Variants in SPATA13 observed in about 807,000 individuals in gnomAD.
SPATA13 encodes spermatogenesis associated 13.
Under a neutral mutation model 104.0 loss-of-function variants are expected in SPATA13, and 50 were observed. That is an observed-to-expected ratio of 0.48 (90% CI 0.38 to 0.61). The LOEUF (loss-of-function observed/expected upper bound fraction) is 0.61, where lower values mean the gene tolerates loss of function less well. SPATA13 is among the 20% of genes least tolerant of loss of function. SPATA13 has a pLI of 0.00. For missense variants in SPATA13, 1,524 were observed against 1,690.6 expected (o/e 0.90, Z 1.73); for synonymous variants, 606 against 667.5 (o/e 0.91, Z 1.42).
rs932496987 is a variant in SPATA13 at position 24,088,147 on chromosome 13, C to T, written c.-112+70446C>T. On this transcript the variant is annotated intron_variant, in intron 3 of 14. Transcript: ENST00000424834. The surrounding 1 kb of genome is among the most constrained non-coding windows in gnomAD (Gnocchi z 4.3). ...TCCTCACTCATTAAACGATGGTGGA[C>T]TGTCATATGAAAACTTGGGCTGAGG... Among the ~76,000 whole-genome samples, 1 of 152,182 alleles carries T rather than the reference C, an allele frequency of 6.6e-6. No individual in the cohort carries two copies. The highest frequency in any genetic ancestry group is 2.4e-5 in the African/African-American group (1 of 41,438).
chr13:24,111,774 A>G (rs541892887), intron 3 of SPATA13, among the ~76,000 whole-genome samples: 12 of 152,248 alleles, frequency 7.9e-5, no homozygotes, highest in African/African-American at 2.9e-4. Context: ...CCATCCTTGC[A>G]TTTCCTACTT....
At chr13:24,025,380 T>A (rs1460263712) in intron 3 of SPATA13, among the ~76,000 whole-genome samples, 3 of 152,190 alleles carry the variant, frequency 2.0e-5, no homozygotes, top group Non-Finnish European at 4.4e-5. Flanking sequence ...TACATTCTTC[T>A]ATGGATGGAC....
intron 4 of SPATA13, among the ~76,000 whole-genome samples, chr13:24,274,512 G>A (rs146155353): frequency 1.1e-3 from 160 of 152,316 alleles, no homozygotes; most frequent in African/African-American, 3.6e-3. Context: ...TTTTGACGTT[G>A]TCAGTTCCTG....
intron 2 of SPATA13, among the ~76,000 whole-genome samples, chr13:24,000,322 A>G (rs2137671438): frequency 6.6e-6 from 1 of 152,284 alleles, no homozygotes; most frequent in East Asian, 1.9e-4. Context: ...CAAAGATAGA[A>G]AAGGTTTCAA....
intron 2 of SPATA13, among the ~76,000 whole-genome samples, chr13:24,001,547 C>T (rs183281821): frequency 1.5e-4 from 23 of 151,826 alleles, no homozygotes; most frequent in East Asian, 1.2e-3. Context: ...GGCTGGCTGC[C>T]GTGTCTGTTA....
intron 2 of SPATA13, among the ~76,000 whole-genome samples, chr13:24,236,866 A>G (rs926118156): frequency 1.1e-4 from 16 of 152,172 alleles, no homozygotes; most frequent in African/African-American, 3.9e-4. Context: ...GAATTACTGT[A>G]TGATCCAGCA....
intron 2 of SPATA13, among the ~76,000 whole-genome samples, chr13:24,013,040 T>C (rs1009777818): frequency 2.6e-5 from 4 of 152,150 alleles, no homozygotes; most frequent in Middle Eastern, 6.8e-3. Context: ...CAAGGGCCCA[T>C]TGTCACCCCT....
At chr13:24,204,611 T>G (rs1042814413) in intron 1 of SPATA13, among the ~76,000 whole-genome samples, 2 of 152,096 alleles carry the variant, frequency 1.3e-5, no homozygotes, top group African/African-American at 4.8e-5. Context: ...TTTCTCCTCC[T>G]CCTCCCAGAC....
rs1243049872 is a variant in SPATA13 at position 24,224,247 on chromosome 13, T to C, written c.1318T>C (p.Leu440=). ...GCCAAGCCCGATTGTCCAGGATGTG[T>C]TGAGCAAAGACTCCTGTGACCCAAA... ...SLPSPIVQDV[L]SKDSCDPNAG... is the part of the protein sequence containing the mutation. Residue 440 remains leucine, a synonymous_variant, in exon 2 of 13, where the codon TTG becomes CTG. Coordinates refer to ENST00000382108, the MANE Select transcript of SPATA13 (RefSeq NM_001166271.3). The C allele has an allele frequency of 6.4e-7, 1 of 1,551,710 alleles. No homozygotes were observed.
chr13:24,168,330 T>A (rs1882829357), intron 1 of SPATA13, among the ~76,000 whole-genome samples: 1 of 152,208 alleles, frequency 6.6e-6, no homozygotes, highest in Non-Finnish European at 1.5e-5. Flanking sequence ...ATGACATACA[T>A]GAAAAATATG....
chr13:24,023,280 A>G (rs1877067278), intron 3 of SPATA13, among the ~76,000 whole-genome samples: 1 of 152,208 alleles, frequency 6.6e-6, no homozygotes, highest in African/African-American at 2.4e-5. Flanking sequence ...TTATGGCTGT[A>G]TAGTATTCCA....
At chr13:24,267,190 T>G (rs1457334917) in intron 4 of SPATA13, among the ~76,000 whole-genome samples, 1 of 152,162 alleles carries the variant, frequency 6.6e-6, no homozygotes, top group Admixed American at 6.5e-5. Context: ...ATGGTAGTCC[T>G]TTGCCACAGA....
chr13:24,181,829 T>A (rs1868832771), intron 1 of SPATA13, among the ~76,000 whole-genome samples: 1 of 69,262 alleles, frequency 1.4e-5, no homozygotes, highest in African/African-American at 3.9e-5. Context: ...AAAAGTATAG[T>A]ATAGGCCGGG....
At chr13:24,131,152 T>G (rs1398135550) in intron 3 of SPATA13, among the ~76,000 whole-genome samples, 1 of 152,248 alleles carries the variant, frequency 6.6e-6, no homozygotes, top group Non-Finnish European at 1.5e-5. Flanking sequence ...GTAGCTGTAT[T>G]ATTTAAGTCC....
intron 3 of SPATA13, among the ~76,000 whole-genome samples, chr13:24,097,982 C>A (rs551847504): frequency 9.2e-5 from 14 of 152,274 alleles, no homozygotes; most frequent in African/African-American, 2.6e-4. Flanking sequence ...AGAAGGACCT[C>A]CATGAGGTTC....
At chr13:24,124,483 T>C (rs1456244553) in intron 3 of SPATA13, among the ~76,000 whole-genome samples, 3 of 152,166 alleles carry the variant, frequency 2.0e-5, no homozygotes, top group African/African-American at 7.2e-5. Context: ...CTGCAGAGTA[T>C]CAGACTTTCT....
At chr13:24,106,253 C>G (rs1880448617) in intron 3 of SPATA13, among the ~76,000 whole-genome samples, 1 of 152,168 alleles carries the variant, frequency 6.6e-6, no homozygotes, top group Admixed American at 6.5e-5. Context: ...AGGCTGGCCT[C>G]ATACTCCTGG....
Position 24,302,822 on chromosome 13 carries a change from T to C in SPATA13, c.*49T>C. ...GAGCTGGGTGTCAAGAGAAGAACTGTCTTTGTTTCTTGTGTGCTTCAATCC... is the reference window on the plus strand; with the variant it reads ...GAGCTGGGTGTCAAGAGAAGAACTGCCTTTGTTTCTTGTGTGCTTCAATCC... On this transcript the variant is annotated 3_prime_UTR_variant, in exon 13 of 13. Transcript: ENST00000382108. 6.2e-7 allele frequency: 1 copy of C among 1,610,790 alleles called. No homozygotes were observed. Among genetic ancestry groups the C allele is most frequent in the Non-Finnish European group, 8.5e-7 (1 of 1,177,780 alleles).
chr13:24,163,227 T>C (rs1342138163), intron 1 of SPATA13, among the ~76,000 whole-genome samples: 2 of 152,026 alleles, frequency 1.3e-5, no homozygotes, highest in Non-Finnish European at 2.9e-5. Flanking sequence ...CAAGACCCCA[T>C]CTCTAAAAAA....
Sources: gnomAD v4.1 joint callset for allele counts (sites outside exome capture counted in the v4.1 genomes callset) on GRCh38, gnomAD v4.1.1 for gene constraint, Gnocchi (gnomAD v3.1) non-coding constraint, MANE v1.5 for transcripts, NCBI Gene and HGNC (gene_info 2026-07-23, HGNC 2026-07-21) for gene names.